The following SMG1 variants were observed in gnomAD, a reference collection of about 807,000 sequenced individuals.
SMG1 encodes SMG1 nonsense mediated mRNA decay associated PI3K related kinase.
SMG1 carries 22 observed loss-of-function variants against 419.9 expected under a neutral mutation model. The ratio of observed to expected loss-of-function variants is 0.05; its 90% CI spans 0.04 to 0.07. SMG1 has a LOEUF of 0.07. Ranked by LOEUF, SMG1 falls within the 10% of genes least tolerant of loss-of-function variation. SMG1 has a pLI of 1.00. For synonymous variants in SMG1, 1,538 were observed against 1,553.5 expected, an observed-to-expected ratio of 0.99 and a Z score of 0.23; for missense variants, 3,185 against 4,342.0, an observed-to-expected ratio of 0.73 and a Z score of 7.49.
chr16:18,895,956 T>C (rs2037105189), intron 3 of SMG1, 96 bp downstream of exon 3: 9 of 1,136,666 alleles, frequency 7.9e-6, no homozygotes, highest in South Asian at 1.3e-5. Flanking sequence ...AATCAACTTA[T>C]GCCTGTGCAA....
intron 1 of SMG1, among the ~76,000 whole-genome samples, chr16:18,902,910 G>A (rs906943595): frequency 3.3e-5 from 5 of 152,034 alleles, no homozygotes; most frequent in Non-Finnish European, 7.4e-5. Flanking sequence ...GGCGCAATCC[G>A]AGCTCAAGCA....
chr16:18,925,877 C>T (rs1055707390), intron 1 of SMG1, 73 bp downstream of exon 1: 2 of 1,198,360 alleles, frequency 1.7e-6, no homozygotes, highest in Admixed American at 3.1e-5. Context: ...CTCCCAGCCC[C>T]GCGGCCCTAG....
chr16:18,813,575 T>A lies in SMG1; in HGVS notation c.10622-1448A>T, dbSNP rs1485546661. Reference sequence around the variant, plus strand: ...TTCTGGATATTAGACTTTTGTCAGATGAGTAGATTGCAAAAATTTTCTCCC... The same window carrying A: ...TTCTGGATATTAGACTTTTGTCAGAAGAGTAGATTGCAAAAATTTTCTCCC... On this transcript the variant is annotated intron_variant, in intron 60 of 62. Coordinates refer to ENST00000446231, the MANE Select transcript of SMG1 (RefSeq NM_015092.5). Among the ~76,000 whole-genome samples, 7 of 152,238 alleles carry A rather than the reference T, an allele frequency of 4.6e-5. No individual in the cohort carries two copies. In the East Asian group the frequency reaches 1.3e-3, roughly 29 times the overall value.
At chr16:18,916,012 T>C (rs2037956927) in intron 1 of SMG1, among the ~76,000 whole-genome samples, 1 of 132,200 alleles carries the variant, frequency 7.6e-6, no homozygotes, top group South Asian at 2.3e-4. Context: ...GAGGTTGCAG[T>C]GAGCCGTGAT....
chr16:18,852,927 T>C (rs2034680315), intron 31 of SMG1, among the ~76,000 whole-genome samples: 1 of 152,230 alleles, frequency 6.6e-6, no homozygotes, highest in Non-Finnish European at 1.5e-5. Context: ...CTGCCTGCTA[T>C]AGTGCATCTG....
chr16:18,868,073 T>C (rs13330428), intron 22 of SMG1, 117 bp downstream of exon 22: 126,166 of 766,190 alleles, frequency 0.16, 11,042 homozygotes, highest in African/African-American at 0.23. Context: ...ATCAAAACCT[T>C]TGAAAATGAA....
intron 1 of SMG1, among the ~76,000 whole-genome samples, chr16:18,919,908 C>T (rs1489161752): frequency 6.6e-6 from 1 of 151,836 alleles, no homozygotes; most frequent in Non-Finnish European, 1.5e-5. Context: ...ACCAGCCTGG[C>T]CAACATGGCG....
intron 55 of SMG1, 142 bp downstream of exon 55, chr16:18,827,889 A>G (rs1163188984): frequency 4.0e-6 from 2 of 494,192 alleles, no homozygotes; most frequent in Non-Finnish European, 6.2e-6. Flanking sequence ...AATTAAAAGC[A>G]AAAGTGAAAA....
At chr16:18,900,528 G>A (rs964357112) in intron 1 of SMG1, among the ~76,000 whole-genome samples, 7 of 152,132 alleles carry the variant, frequency 4.6e-5, no homozygotes, top group African/African-American at 1.7e-4. Context: ...TGAAGTCAGG[G>A]AATTCCCTAC....
In SMG1 at chr16:18,872,762, C is replaced by A. The variant is rs577401401; in HGVS notation, c.1891-138G>T. The A allele has an allele frequency of 1.2e-3, 904 of 751,808 alleles. 10 individuals are homozygous for A. In the African/African-American group the frequency reaches 0.014, roughly 12 times the overall value. The allele number at this position is 751,808 out of a possible 1,614,324, so 46.6% of individuals were successfully genotyped here. A position where few individuals can be genotyped will look rare whatever the true frequency, so the allele number is the denominator to read the frequency against. The stretch of plus-strand genomic sequence containing the variant: ...ACTGCAAGGGATCTAGTACACTAAA[C>A]CTGGGACAAACACTTTTTTATGAAG... On this transcript the variant is annotated intron_variant, in intron 13 of 62. Coordinates refer to ENST00000446231, the MANE Select transcript of SMG1 (RefSeq NM_015092.5).
rs1266449437 is a variant in SMG1, at chr16:18,852,597, C to A, written c.4769-135G>T. 1.1e-5 allele frequency: 8 copies of A among 700,840 alleles called. No homozygotes were observed. In the East Asian group the frequency reaches 2.1e-4, roughly 18 times the overall value. The allele number at this position is 700,840 out of a possible 1,614,324, so 43.4% of individuals were successfully genotyped here. A position where few individuals can be genotyped will look rare whatever the true frequency, so the allele number is the denominator to read the frequency against. On this transcript the variant is annotated intron_variant, in intron 31 of 62. Transcript: ENST00000446231. ...TCAAAAGTTCCAAAATATTACTGTA[C>A]ATAACTTGAGAAGGCACAAATATGA... is the stretch of plus-strand genomic sequence containing the variant.
chr16:18,903,215 T>C (rs2037416708), intron 1 of SMG1, among the ~76,000 whole-genome samples: 1 of 152,182 alleles, frequency 6.6e-6, no homozygotes, highest in South Asian at 2.1e-4. Flanking sequence ...ACCTCTAATA[T>C]TCTCTATTTT....
chr16:18,890,577 G>C (rs2036831115), intron 5 of SMG1, among the ~76,000 whole-genome samples: 1 of 152,204 alleles, frequency 6.6e-6, no homozygotes, highest in African/African-American at 2.4e-5. Flanking sequence ...TTGAACCCGA[G>C]AGGTGGAGGT....
chr16:18,838,906 A>T (rs901408915), intron 42 of SMG1, among the ~76,000 whole-genome samples: 1 of 152,188 alleles, frequency 6.6e-6, no homozygotes, highest in African/African-American at 2.4e-5. Flanking sequence ...AGCTATCAGG[A>T]TGCTGGATTA....
intron 37 of SMG1, 27 bp from the exon 38 acceptor site, chr16:18,847,634 T>G: frequency 6.2e-7 from 1 of 1,613,458 alleles, no homozygotes; most frequent in South Asian, 1.1e-5. Context: ...CCCAAATAGC[T>G]CATCTACAAG....
In SMG1 at chr16:18,835,123, C is replaced by A. The variant is rs1170454238; in HGVS notation, c.8099G>T (p.Cys2700Phe). 1 of 1,613,620 alleles carries A rather than the reference C, an allele frequency of 6.2e-7. No homozygotes were observed. The highest frequency in any genetic ancestry group is 1.7e-5 in the Admixed American group (1 of 59,996). Reference protein sequence around the residue: ...QYAPQPPPTVCQFITATEMTL... With the variant: ...QYAPQPPPTVFQFITATEMTL... ...CATTTCAGTGGCAGTGATGAACTGA[C>A]ACACTGTTGGGGGTGGCTGGGGAGC... is the stretch of plus-strand genomic sequence containing the variant. The change falls in exon 49 of 63, where the codon TGT (cysteine) becomes TTT (phenylalanine). Residue 2700 changes from cysteine (C) to phenylalanine (F), a missense_variant. Physicochemically the swap from Cys to Phe is radical, Grantham distance 205. Coordinates refer to ENST00000446231, the MANE Select transcript of SMG1 (RefSeq NM_015092.5).
Position 18,869,187 on chromosome 16 carries a change from A to G in SMG1, c.2750T>C (p.Ile917Thr). 1.2e-6 allele frequency: 2 copies of G among 1,611,708 alleles called. No homozygotes were observed. The highest frequency in any genetic ancestry group is 1.1e-5 in the South Asian group (1 of 90,988). The change falls in exon 20 of 63, where the codon ATA (isoleucine) becomes ACA (threonine). Residue 917 changes from isoleucine to threonine, a missense_variant. Coordinates refer to ENST00000446231, the MANE Select transcript of SMG1 (RefSeq NM_015092.5). Reference protein sequence around the residue: ...KTDAVLWQWAIWEAAQFTVLS... With the variant: ...KTDAVLWQWATWEAAQFTVLS... ...AACAGTGAATTGTGCAGCTTCCCAT[A>G]TGGCCCACTGCCAAAGGACAGCATC...
chr16:18,856,951 T>C (rs1369500086), intron 29 of SMG1: 1 of 152,140 alleles, frequency 6.6e-6, no homozygotes, highest in African/African-American at 2.4e-5. Context: ...CTAGGACTTT[T>C]ATATACCTTG....
intron 60 of SMG1, 65 bp downstream of exon 60, chr16:18,815,110 A>G: frequency 9.8e-7 from 1 of 1,021,222 alleles, no homozygotes. Flanking sequence ...GTTATGTATA[A>G]TTAAACATCT....
Sources: allele counts gnomAD v4.1 joint callset (sites outside exome capture counted in the v4.1 genomes callset), GRCh38; gene constraint gnomAD v4.1.1; transcripts MANE v1.5; gene names NCBI Gene and HGNC (gene_info 2026-07-23, HGNC 2026-07-21).